ROBO2: variants seen among roughly 807,000 people sequenced by gnomAD.
The protein encoded by ROBO2 is roundabout guidance receptor 2.
In ROBO2, 53 loss-of-function variants were observed where a neutral mutation model predicts 160.8. The observed-to-expected ratio is 0.33, with a 90% confidence interval of 0.26 to 0.41. The LOEUF is 0.41. Among genes scored for constraint, ROBO2 ranks in the 10% least tolerant of loss-of-function variants. ROBO2 has a pLI of 1.00. For synonymous variants in ROBO2, 664 were observed against 611.7 expected, an observed-to-expected ratio of 1.09 and a Z score of -1.26; for missense variants, 1,577 against 1,722.4, an observed-to-expected ratio of 0.92 and a Z score of 1.49.
At chr3:76,171,443 TTTG>T (rs1055583016) in intron 2 of ROBO2, among the ~76,000 whole-genome samples, 5 of 152,106 alleles carry the variant, frequency 3.3e-5, no homozygotes, top group African/African-American at 4.8e-5. Flanking sequence ...TGTTTTGTTT[TTTG>T]TTGTTGTTTG....
intron 2 of ROBO2, chr3:77,317,492 C>T (rs1463185200): frequency 1.2e-5 from 18 of 1,500,146 alleles, no homozygotes; most frequent in East Asian, 7.0e-5. Context: ...TTGTAAACTC[C>T]GATCCATCCT....
At chr3:76,326,455 C>T (rs974394781) in intron 2 of ROBO2, among the ~76,000 whole-genome samples, 1 of 151,880 alleles carries the variant, frequency 6.6e-6, no homozygotes, top group African/African-American at 2.4e-5. Context: ...TGTATACATA[C>T]CATGTACATA....
At chr3:76,186,418 T>C (rs1183758149) in intron 2 of ROBO2, among the ~76,000 whole-genome samples, 2 of 152,092 alleles carry the variant, frequency 1.3e-5, no homozygotes, top group Non-Finnish European at 2.9e-5. Flanking sequence ...TCGTACTTGG[T>C]TGTTAAGAAT....
At chr3:76,999,469 C>A (rs2149410294) in intron 2 of ROBO2, among the ~76,000 whole-genome samples, 1 of 152,246 alleles carries the variant, frequency 6.6e-6, no homozygotes, top group East Asian at 1.9e-4. Context: ...GAACCTATGT[C>A]TTTACAACAG....
At chr3:77,476,631 A>G (rs2084042041) in intron 2 of ROBO2, among the ~76,000 whole-genome samples, 1 of 152,104 alleles carries the variant, frequency 6.6e-6, no homozygotes, top group South Asian at 2.1e-4. Context: ...CAGGCTTTTC[A>G]TCTTGTCAGG....
At chr3:76,674,992 G>T (rs554324995) in intron 2 of ROBO2, among the ~76,000 whole-genome samples, 1 of 152,138 alleles carries the variant, frequency 6.6e-6, no homozygotes, top group African/African-American at 2.4e-5. Flanking sequence ...AAGCATAGTA[G>T]CTCCTTTGGA....
intron 2 of ROBO2, among the ~76,000 whole-genome samples, chr3:77,273,131 C>A (rs1347398671): frequency 6.6e-6 from 1 of 151,970 alleles, no homozygotes; most frequent in Non-Finnish European, 1.5e-5. Flanking sequence ...CGTCTAGTAG[C>A]CCCCACTGTC....
chr3:76,002,300 G>A (rs77595385), intron 2 of ROBO2, among the ~76,000 whole-genome samples: 71 of 152,250 alleles, frequency 4.7e-4, no homozygotes, highest in East Asian at 2.3e-3. Context: ...GAATGCCATC[G>A]ATAAGCCAAG....
intron 3 of ROBO2, 64 bp downstream of exon 3, chr3:77,477,635 T>C: frequency 1.4e-6 from 2 of 1,436,060 alleles, no homozygotes; most frequent in South Asian, 1.2e-5. Flanking sequence ...ACAAAATAGA[T>C]GTATTTTATT....
At chr3:76,522,995 C>T (rs1312640918) in intron 2 of ROBO2, among the ~76,000 whole-genome samples, 2 of 147,498 alleles carry the variant, frequency 1.4e-5, no homozygotes, top group Non-Finnish European at 3.0e-5. Flanking sequence ...TTATATATAA[C>T]TTTATACATA....
chr3:76,617,116 G>A (rs1375026469), intron 2 of ROBO2, among the ~76,000 whole-genome samples: 1 of 152,006 alleles, frequency 6.6e-6, no homozygotes, highest in Non-Finnish European at 1.5e-5. Flanking sequence ...TTGTTAGGAT[G>A]AACTAACTAG....
intron 2 of ROBO2, among the ~76,000 whole-genome samples, chr3:77,237,850 C>T (rs377261786): frequency 1.4e-4 from 22 of 152,256 alleles, no homozygotes; most frequent in African/African-American, 5.1e-4. Flanking sequence ...ATTTTATCTT[C>T]TCCCCAACAG....
intron 2 of ROBO2, among the ~76,000 whole-genome samples, chr3:76,997,675 G>A (rs1340041218): frequency 6.6e-6 from 1 of 152,172 alleles, no homozygotes; most frequent in Non-Finnish European, 1.5e-5. Context: ...GATCGTATAA[G>A]TTGAGCTTCT....
At chr3:77,519,334 T>A (rs1277971400) in intron 5 of ROBO2, among the ~76,000 whole-genome samples, 1 of 151,416 alleles carries the variant, frequency 6.6e-6, no homozygotes, top group Non-Finnish European at 1.5e-5. Flanking sequence ...AATTTTTAAA[T>A]AAAAACTTTT....
intron 2 of ROBO2, among the ~76,000 whole-genome samples, chr3:77,028,553 T>C (rs1332740363): frequency 6.6e-6 from 1 of 151,390 alleles, no homozygotes; most frequent in Non-Finnish European, 1.5e-5. Flanking sequence ...CTGTCTCTAA[T>C]AAAAAAAATA....
intron 2 of ROBO2, among the ~76,000 whole-genome samples, chr3:76,448,407 G>T (rs1162634764): frequency 3.3e-5 from 5 of 152,072 alleles, no homozygotes; most frequent in Non-Finnish European, 5.9e-5. Context: ...GGGAGGAAAA[G>T]GTATGTCTGA....
chr3:76,058,753 CTCG>C, intron 2 of ROBO2, among the ~76,000 whole-genome samples: 1 of 149,686 alleles, frequency 6.7e-6, no homozygotes, highest in African/African-American at 2.5e-5. Flanking sequence ...CACCCATTAA[CTCG>C]TTGTTTGGCA....
chr3:76,479,490 A>G (rs1057373953), intron 2 of ROBO2, among the ~76,000 whole-genome samples: 1 of 152,156 alleles, frequency 6.6e-6, no homozygotes, highest in Non-Finnish European at 1.5e-5. Context: ...TTTACCATAA[A>G]AATCTTTCAC....
At chr3:76,059,118 A>G (rs1194674015) in intron 2 of ROBO2, among the ~76,000 whole-genome samples, 1 of 151,796 alleles carries the variant, frequency 6.6e-6, no homozygotes, top group African/African-American at 2.4e-5. Flanking sequence ...ATACGTGTGC[A>G]TGTGTCTTTA....
Sources: allele counts gnomAD v4.1 joint callset (sites outside exome capture counted in the v4.1 genomes callset), GRCh38; gene constraint gnomAD v4.1.1; transcripts MANE v1.5; gene names NCBI Gene and HGNC (gene_info 2026-07-23, HGNC 2026-07-21).